Variants in XRRA1 observed in about 807,000 individuals in gnomAD.
The protein encoded by XRRA1 is X-ray radiation resistance associated 1.
XRRA1 carries 69 observed loss-of-function variants against 80.2 expected under a neutral mutation model. That is an observed-to-expected ratio of 0.86 (90% CI 0.71 to 1.05). The LOEUF (loss-of-function observed/expected upper bound fraction) is 1.05. Ranked by LOEUF, XRRA1 falls within the 50% of genes least tolerant of loss-of-function variation. XRRA1 has a pLI of 0.00. For synonymous variants in XRRA1, 348 were observed against 389.9 expected (o/e 0.89, Z 1.27); for missense variants, 967 against 976.4 (o/e 0.99, Z 0.13).
At chr11:74,862,386 T>C (rs189931264) in intron 11 of XRRA1, among the ~76,000 whole-genome samples, 2 of 152,388 alleles carry the variant, frequency 1.3e-5, no homozygotes, top group Admixed American at 6.5e-5. Flanking sequence ...GGTTGTATAC[T>C]GAGCTGCCTC....
intron 1 of XRRA1, among the ~76,000 whole-genome samples, chr11:74,945,767 T>C (rs1947379236): frequency 6.6e-6 from 1 of 152,034 alleles, no homozygotes; most frequent in Admixed American, 6.6e-5. Flanking sequence ...ACTGTAGCGC[T>C]TCCTCCAAAA....
intron 5 of XRRA1, among the ~76,000 whole-genome samples, chr11:74,932,447 T>G (rs1446129310): frequency 6.6e-6 from 1 of 152,052 alleles, no homozygotes; most frequent in Non-Finnish European, 1.5e-5. Context: ...AAGCCCAGCC[T>G]CCTCCCTCTC....
intron 11 of XRRA1, among the ~76,000 whole-genome samples, chr11:74,861,782 T>A (rs149729692): frequency 1.6e-3 from 250 of 152,286 alleles, no homozygotes; most frequent in African/African-American, 5.7e-3. Flanking sequence ...TTTCCTGAGT[T>A]TGAGTTGTTC....
intron 3 of XRRA1, among the ~76,000 whole-genome samples, chr11:74,938,180 C>A (rs968927387): frequency 6.6e-6 from 1 of 152,258 alleles, no homozygotes; most frequent in African/African-American, 2.4e-5. Flanking sequence ...ACTATCTCTG[C>A]CTTGGGGGCT....
In XRRA1 at chr11:74,927,472, A is replaced by G; in HGVS notation, c.441T>C (p.Phe147=). The change falls in exon 7 of 19, where the codon TTT becomes TTC. Residue 147 remains phenylalanine (F), a synonymous_variant. Coordinates refer to ENST00000684022, the MANE Select transcript of XRRA1 (RefSeq NM_001378157.1). ...NLLPLEAFHT[F]PALKELDLAF... Reference sequence around the variant, plus strand: ...CGAGATCCAGTTCCTTTAGGGCTGGAAACGTGTGAAATGCCTCTACATGGG... The same window carrying G: ...CGAGATCCAGTTCCTTTAGGGCTGGGAACGTGTGAAATGCCTCTACATGGG... The G allele has an allele frequency of 6.2e-7, 1 of 1,612,314 alleles. No homozygotes were observed. Among genetic ancestry groups the G allele is most frequent in the Non-Finnish European group, 8.5e-7 (1 of 1,178,376 alleles).
intron 10 of XRRA1, among the ~76,000 whole-genome samples, chr11:74,880,131 C>T (rs1279332767): frequency 6.6e-6 from 1 of 152,070 alleles, no homozygotes; most frequent in Non-Finnish European, 1.5e-5. Context: ...TGATTATTGC[C>T]ACAATTTCAG....
chr11:74,918,325 T>TGC (rs1939469527), intron 8 of XRRA1, among the ~76,000 whole-genome samples: 1 of 151,214 alleles, frequency 6.6e-6, no homozygotes. Flanking sequence ...TGTGTGTGTG[T>TGC]GCACTCGCAT....
chr11:74,845,327 G>T, intron 15 of XRRA1, 56 bp from the exon 16 acceptor site: 2 of 1,524,228 alleles, frequency 1.3e-6, no homozygotes, highest in South Asian at 2.4e-5. Flanking sequence ...TTCATTCCAT[G>T]AACATTCGGA....
rs1237356321 is a variant in XRRA1, at chr11:74,945,030, T to G, written c.-17A>C. ...CCAGAGTACTTACTTGATCTTTGAC[T>G]TTGGGAATGGCCCCTTAACTTCCTT... is the stretch of plus-strand genomic sequence containing the variant. On this transcript the variant is annotated 5_prime_UTR_variant, in exon 2 of 19. Coordinates refer to ENST00000684022, the MANE Select transcript of XRRA1 (RefSeq NM_001378157.1). 1.3e-5 allele frequency: 2 copies of G among 152,642 alleles called. No homozygotes were observed. Among genetic ancestry groups the G allele is most frequent in the South Asian group, 4.1e-4 (2 of 4,828 alleles). 9.5% of individuals were successfully genotyped at this position (152,642 alleles called of 1,614,324 possible).
At position 74,885,585 on chromosome 11, in the gene XRRA1, C is replaced by A. The variant is rs534839967; in HGVS notation, c.1003+20654G>T. 1.2e-4 allele frequency among the ~76,000 whole-genome samples: 19 copies of A among 152,198 alleles called. No individual in the cohort carries two copies. The South Asian group carries it at 3.3e-3, about 27-fold the overall frequency. On this transcript the variant is annotated intron_variant, in intron 10 of 18. Transcript: ENST00000684022. ...AACTGAATCAGTAATAAAAAGCCTGCCAACCAAAAAAAGCCCAGGACAAGA... is the reference window on the plus strand; with the variant it reads ...AACTGAATCAGTAATAAAAAGCCTGACAACCAAAAAAAGCCCAGGACAAGA...
intron 8 of XRRA1, among the ~76,000 whole-genome samples, chr11:74,915,277 GTA>G (rs1358248901): frequency 6.6e-6 from 1 of 152,214 alleles, no homozygotes; most frequent in Non-Finnish European, 1.5e-5. Flanking sequence ...GTTGCTTAAA[GTA>G]TAGAGAAAAA....
At chr11:74,861,227 C>T (rs936590858) in intron 11 of XRRA1, among the ~76,000 whole-genome samples, 1 of 152,176 alleles carries the variant, frequency 6.6e-6, no homozygotes, top group Non-Finnish European at 1.5e-5. Context: ...CCCCAACCCT[C>T]GAGCCACAAA....
rs564281105 is a variant in XRRA1, at chr11:74,857,995, TAGAA to T, written c.1170+1159_1170+1162del. ...AATGTAAAGCTTTACATGCTTATAT[TAGAA>T]AGAAGAAAGGTCTAAATCAATTAAC... On this transcript the variant is annotated intron_variant, in intron 12 of 18. Transcript: ENST00000684022. Among the ~76,000 whole-genome samples the T allele has an allele frequency of 6.6e-4, 100 of 152,302 alleles. 1 individual carries two copies. Among genetic ancestry groups the T allele is most frequent in the Middle Eastern group, 3.4e-3 (1 of 294 alleles).
Position 74,893,902 on chromosome 11 carries a change from A to G in XRRA1, c.1003+12337T>C, listed in dbSNP as rs550519213. Among the ~76,000 whole-genome samples, 15 of 152,374 alleles carry G rather than the reference A, an allele frequency of 9.8e-5. No homozygotes were observed. In the South Asian group the frequency reaches 2.7e-3, roughly 27 times the overall value. ...CCAGCAATACCACTATTGGGTATAT[A>G]CCCAAAGGGATATAAATCAATCTAT... On this transcript the variant is annotated intron_variant, in intron 10 of 18. Coordinates refer to ENST00000684022, the MANE Select transcript of XRRA1 (RefSeq NM_001378157.1).
Position 74,869,024 on chromosome 11 carries a change from C to T in XRRA1, c.1004-6003G>A, listed in dbSNP as rs142759266. Among the ~76,000 whole-genome samples the T allele has an allele frequency of 2.0e-5, 3 of 152,188 alleles. No individual in the cohort carries two copies. In the East Asian group the frequency reaches 5.8e-4, roughly 29 times the overall value. Reference sequence around the variant, plus strand: ...CAATTGACATCTACAGAACACTCCACCCCAAAACAACAGAATATACATTCT... The same window carrying T: ...CAATTGACATCTACAGAACACTCCATCCCAAAACAACAGAATATACATTCT... On this transcript the variant is annotated intron_variant, in intron 10 of 18. Coordinates refer to ENST00000684022, the MANE Select transcript of XRRA1 (RefSeq NM_001378157.1).
chr11:74,924,848 T>A (rs774562850), intron 7 of XRRA1, among the ~76,000 whole-genome samples: 58 of 152,304 alleles, frequency 3.8e-4, no homozygotes, highest in Admixed American at 2.8e-3. Context: ...AATTAATTAA[T>A]TAAAATAAAC....
chr11:74,910,539 G>A (rs934644360), intron 8 of XRRA1, among the ~76,000 whole-genome samples: 1 of 152,154 alleles, frequency 6.6e-6, no homozygotes, highest in Non-Finnish European at 1.5e-5. Context: ...AAATAGTTCA[G>A]AATAGATGAG....
chr11:74,866,083 C>T (rs913502920), intron 10 of XRRA1, among the ~76,000 whole-genome samples: 11 of 152,166 alleles, frequency 7.2e-5, no homozygotes, highest in African/African-American at 2.7e-4. Flanking sequence ...TATTTCAAGG[C>T]ACGGATATCA....
chr11:74,931,711 AT>A (rs1490105772), intron 5 of XRRA1: 1 of 152,184 alleles, frequency 6.6e-6, no homozygotes, highest in Non-Finnish European at 1.5e-5. Flanking sequence ...CTGTTTCTAA[AT>A]TTTATTACAA....
Sources: allele counts gnomAD v4.1 joint callset (sites outside exome capture counted in the v4.1 genomes callset), GRCh38; gene constraint gnomAD v4.1.1; transcripts MANE v1.5; gene names NCBI Gene and HGNC (gene_info 2026-07-23, HGNC 2026-07-21).